Variants in RSPO4 observed in about 807,000 individuals in gnomAD.
The protein encoded by RSPO4 is R-spondin 4.
Under a neutral mutation model 24.8 loss-of-function variants are expected in RSPO4, and 23 were observed. The ratio of observed to expected loss-of-function variants is 0.93; its 90% CI spans 0.67 to 1.31. The LOEUF (loss-of-function observed/expected upper bound fraction) is 1.31, where lower values mean the gene tolerates loss of function less well. Ranked by LOEUF, RSPO4 falls within the 40% of genes most tolerant of loss-of-function variation. The probability of loss-of-function intolerance (pLI) is 0.00; values close to 1 mark genes in which losing one functional copy is unlikely to be tolerated. For synonymous variants in RSPO4, 141 were observed against 127.4 expected, an observed-to-expected ratio of 1.11 and a Z score of -0.72; for missense variants, 333 against 316.5, an observed-to-expected ratio of 1.05 and a Z score of -0.39.
intron 1 of RSPO4, among the ~76,000 whole-genome samples, chr20:977,437 C>T (rs148504158): frequency 0.019 from 2,954 of 152,280 alleles, 33 homozygotes; most frequent in Non-Finnish European, 0.031. Flanking sequence ...AAACAAGAAT[C>T]CTCCTGGCTG....
At chr20:965,018 A>G (rs1050954376) in intron 3 of RSPO4, among the ~76,000 whole-genome samples, 1 of 152,072 alleles carries the variant, frequency 6.6e-6, no homozygotes, top group Admixed American at 6.6e-5. Context: ...TGGGACCCAG[A>G]CCTTGCTAGA....
At chr20:995,686 C>T (rs891045584) in intron 1 of RSPO4, among the ~76,000 whole-genome samples, 2 of 152,192 alleles carry the variant, frequency 1.3e-5, no homozygotes, top group African/African-American at 4.8e-5. Context: ...CTGTCTGTTG[C>T]TATACCACCC....
chr20:977,559 G>T (rs1018294441), intron 1 of RSPO4, among the ~76,000 whole-genome samples: 2 of 152,214 alleles, frequency 1.3e-5, no homozygotes, highest in African/African-American at 4.8e-5. Context: ...GTTGGCATTT[G>T]TGATCCTGGA....
chr20:991,093 C>T (rs1262426064), intron 1 of RSPO4, among the ~76,000 whole-genome samples: 1 of 152,090 alleles, frequency 6.6e-6, no homozygotes, highest in Non-Finnish European at 1.5e-5. Flanking sequence ...CAAGCTCACA[C>T]TCTGGAGTGT....
At chr20:974,853 TTC>T (rs1269555254) in intron 1 of RSPO4, among the ~76,000 whole-genome samples, 1 of 152,168 alleles carries the variant, frequency 6.6e-6, no homozygotes, top group African/African-American at 2.4e-5. Context: ...GATCCATAAA[TTC>T]TCTTTTTTTC....
At chr20:964,817 C>G (rs958621392) in intron 3 of RSPO4, among the ~76,000 whole-genome samples, 2 of 87,106 alleles carry the variant, frequency 2.3e-5, no homozygotes, top group Non-Finnish European at 4.9e-5. Flanking sequence ...CACACACACA[C>G]ACACACACAC....
At chr20:993,161 C>T (rs1057256513) in intron 1 of RSPO4, among the ~76,000 whole-genome samples, 2 of 152,224 alleles carry the variant, frequency 1.3e-5, no homozygotes, top group Admixed American at 1.3e-4. Flanking sequence ...CTTGGGAATG[C>T]CTCTGTTTTG....
intron 1 of RSPO4, among the ~76,000 whole-genome samples, chr20:994,752 T>C (rs1337941909): frequency 6.6e-6 from 1 of 152,116 alleles, no homozygotes; most frequent in Non-Finnish European, 1.5e-5. Flanking sequence ...TTAGTAGAGA[T>C]GGGGTTTCAC....
At chr20:995,177 CA>C (rs1366806888) in intron 1 of RSPO4, among the ~76,000 whole-genome samples, 1 of 152,164 alleles carries the variant, frequency 6.6e-6, no homozygotes, top group East Asian at 1.9e-4. Flanking sequence ...AACCCTTCTC[CA>C]GAATTTCAGA....
chr20:973,965 T>C (rs1282709583), intron 1 of RSPO4, among the ~76,000 whole-genome samples: 1 of 152,200 alleles, frequency 6.6e-6, no homozygotes, highest in Non-Finnish European at 1.5e-5. Flanking sequence ...GTCTGGTGTT[T>C]CGTCATGTCT....
Position 981,385 on chromosome 20 carries a change from C to T in RSPO4, c.80-13247G>A, listed in dbSNP as rs891511489. ...ACTAAAAATACAAAAATCAGCTGGG[C>T]GTGGTGGTGCACACCTGTAATCCCA... On this transcript the variant is annotated intron_variant, in intron 1 of 4. Coordinates refer to ENST00000217260, the MANE Select transcript of RSPO4 (RefSeq NM_001029871.4). This position sits in a 1 kb window ranked among gnomAD's most constrained non-coding sequence, Gnocchi z 4.6. 2.0e-5 allele frequency among the ~76,000 whole-genome samples: 3 copies of T among 152,080 alleles called. No individual in the cohort carries two copies. The highest frequency in any genetic ancestry group is 4.4e-5 in the Non-Finnish European group (3 of 68,016).
intron 1 of RSPO4, among the ~76,000 whole-genome samples, chr20:992,176 G>T (rs1368379772): frequency 6.6e-6 from 1 of 151,828 alleles, no homozygotes; most frequent in Non-Finnish European, 1.5e-5. Context: ...TAATGTGCTG[G>T]CAACATACGC....
chr20:992,013 G>T (rs910118434), intron 1 of RSPO4, among the ~76,000 whole-genome samples: 1 of 146,636 alleles, frequency 6.8e-6, no homozygotes, highest in Non-Finnish European at 1.5e-5. Context: ...AATGACGGGG[G>T]TGGTGTAGGG....
chr20:998,637 G>C (rs1418480009), intron 1 of RSPO4, among the ~76,000 whole-genome samples: 1 of 152,124 alleles, frequency 6.6e-6, no homozygotes, highest in Non-Finnish European at 1.5e-5. Flanking sequence ...CTGGCCAAAC[G>C]CTAAGGCCAA....
chr20:968,438 G>A (rs1984302809), intron 1 of RSPO4, among the ~76,000 whole-genome samples: 1 of 152,222 alleles, frequency 6.6e-6, no homozygotes, highest in African/African-American at 2.4e-5. Context: ...GATGGCTGGA[G>A]CACAAGCAGC....
chr20:960,184 A>G lies in RSPO4; in HGVS notation c.*173T>C. On this transcript the variant is annotated 3_prime_UTR_variant, in exon 5 of 5. Coordinates refer to ENST00000217260, the MANE Select transcript of RSPO4 (RefSeq NM_001029871.4). The stretch of plus-strand genomic sequence containing the variant: ...GGAGGTGGAAGAAATAAAGGAAATA[A>G]AAAAGAAAAAGAAAGGGAAGGTAGA... 1.7e-6 allele frequency: 1 copy of G among 600,098 alleles called. No individual in the cohort carries two copies. The highest frequency in any genetic ancestry group is 2.8e-5 in the East Asian group (1 of 36,112). 37.2% of individuals were successfully genotyped at this position (600,098 alleles called of 1,614,324 possible).
chr20:990,442 CTT>C (rs1254085673), intron 1 of RSPO4, among the ~76,000 whole-genome samples: 1 of 152,010 alleles, frequency 6.6e-6, no homozygotes, highest in Non-Finnish European at 1.5e-5. Flanking sequence ...TTCCTTCATT[CTT>C]TCTCTTTCTC....
intron 1 of RSPO4, among the ~76,000 whole-genome samples, chr20:971,659 C>T (rs6108229): frequency 6.6e-6 from 1 of 152,172 alleles, no homozygotes; most frequent in Non-Finnish European, 1.5e-5. Context: ...GTTCAAGGAC[C>T]TGCAAAGCAA....
At chr20:978,105 T>C (rs1984623664) in intron 1 of RSPO4, among the ~76,000 whole-genome samples, 1 of 152,154 alleles carries the variant, frequency 6.6e-6, no homozygotes, top group African/African-American at 2.4e-5. Flanking sequence ...TAGAGGTCGC[T>C]AGCCCACTGG....
Sources: allele counts gnomAD v4.1 joint callset (sites outside exome capture counted in the v4.1 genomes callset), GRCh38; gene constraint gnomAD v4.1.1; non-coding constraint Gnocchi (gnomAD v3.1); transcripts MANE v1.5; gene names NCBI Gene and HGNC (gene_info 2026-07-23, HGNC 2026-07-21).